SPIDR: variants seen among roughly 807,000 people sequenced by gnomAD.
SPIDR encodes DNA repair-scaffolding protein.
SPIDR carries 93 observed loss-of-function variants against 104.6 expected under a neutral mutation model. The ratio of observed to expected loss-of-function variants is 0.89; its 90% confidence interval spans 0.75 to 1.06. The LOEUF (loss-of-function observed/expected upper bound fraction) is 1.06. Ranked by LOEUF, SPIDR falls within the 50% of genes least tolerant of loss-of-function variation. The probability of loss-of-function intolerance (pLI) is 0.00; values close to 1 mark genes in which losing one functional copy is unlikely to be tolerated. For missense variants in SPIDR, 1,154 were observed against 1,111.2 expected (o/e 1.04, Z -0.55); for synonymous variants, 431 against 416.9 (o/e 1.03, Z -0.41).
At chr8:47,405,268 G>A (rs2062568935) in intron 6 of SPIDR, among the ~76,000 whole-genome samples, 1 of 151,666 alleles carries the variant, frequency 6.6e-6, no homozygotes, top group Admixed American at 6.6e-5. Context: ...ACGAGTTAAC[G>A]GGTGCAGCAC....
intron 16 of SPIDR, among the ~76,000 whole-genome samples, chr8:47,714,083 C>T (rs1470240629): frequency 2.0e-5 from 3 of 152,102 alleles, no homozygotes; most frequent in Non-Finnish European, 4.4e-5. Context: ...GCAGGACAGG[C>T]AGCCAGATGG....
rs77304259 is a variant in SPIDR, at chr8:47,651,849, A to G, written c.1545-21952A>G. ...GCCATTATTCTAAATGAAGTAACTC[A>G]GGAATGGAAAACCAAATACTGTATG... is the stretch of plus-strand genomic sequence containing the variant. On this transcript the variant is annotated intron_variant, in intron 10 of 19. Transcript: ENST00000297423. Among the ~76,000 whole-genome samples the G allele has an allele frequency of 4.0e-3, 610 of 152,338 alleles. 17 individuals carry two copies. The East Asian group carries it at 0.065, about 16-fold the overall frequency.
intron 5 of SPIDR, among the ~76,000 whole-genome samples, chr8:47,295,982 A>G (rs2154241812): frequency 6.6e-6 from 1 of 152,282 alleles, no homozygotes; most frequent in Non-Finnish European, 1.5e-5. Flanking sequence ...TCTTTCTAAC[A>G]GGTGTGAGGT....
Position 47,440,628 on chromosome 8 carries a change from A to G in SPIDR, c.1097+86A>G, listed in dbSNP as rs2069235385. 23 of 1,377,604 alleles carry G rather than the reference A, an allele frequency of 1.7e-5. No homozygotes were observed. The South Asian group carries it at 3.1e-4, about 19-fold the overall frequency. The allele number at this position is 1,377,604 out of a possible 1,614,324, so 85.3% of individuals were successfully genotyped here. On this transcript the variant is annotated intron_variant, in intron 8 of 19. Transcript: ENST00000297423. ...CATTTTTATCAGTTACATTTTTGTC[A>G]CTTTATCATAGAGCAATGCGAGAGG... is the stretch of plus-strand genomic sequence containing the variant.
intron 8 of SPIDR, among the ~76,000 whole-genome samples, chr8:47,583,905 C>T (rs1429459435): frequency 1.3e-5 from 2 of 152,206 alleles, no homozygotes; most frequent in Non-Finnish European, 2.9e-5. Context: ...GAGTCACAAC[C>T]TTTTCCTTTA....
In SPIDR at chr8:47,267,313, C is replaced by T. The variant is rs192705424; in HGVS notation, c.33+6322C>T. Among the ~76,000 whole-genome samples, 176 of 152,198 alleles carry T rather than the reference C, an allele frequency of 1.2e-3. 2 individuals are homozygous for T. Among genetic ancestry groups the T allele is most frequent in the Admixed American group, 0.011 (169 of 15,264 alleles). On this transcript the variant is annotated intron_variant, in intron 1 of 19. Transcript: ENST00000297423. ...TGTTGGGATTACATCCGTGAGCCAT[C>T]GCACCTGGCCTGCGTTGAACATTTG...
intron 5 of SPIDR, among the ~76,000 whole-genome samples, chr8:47,331,963 A>C (rs2048741248): frequency 1.6e-5 from 1 of 61,004 alleles, no homozygotes; most frequent in Non-Finnish European, 3.4e-5. Context: ...AATTTTTTTA[A>C]ACTTTTTTTT....
intron 2 of SPIDR, among the ~76,000 whole-genome samples, chr8:47,281,302 G>T (rs2037727384): frequency 6.6e-6 from 1 of 152,196 alleles, no homozygotes; most frequent in African/African-American, 2.4e-5. Flanking sequence ...TGGGGTGGCT[G>T]TGGCAGTTTC....
intron 8 of SPIDR, among the ~76,000 whole-genome samples, chr8:47,442,928 A>G (rs1554698360): frequency 6.6e-6 from 1 of 151,858 alleles, no homozygotes; most frequent in East Asian, 1.9e-4. Flanking sequence ...TTTTTGGCAC[A>G]CCTTTATATG....
intron 10 of SPIDR, among the ~76,000 whole-genome samples, chr8:47,641,982 C>T (rs1340091120): frequency 6.6e-6 from 1 of 152,180 alleles, no homozygotes; most frequent in African/African-American, 2.4e-5. Context: ...TGCAGAGCCT[C>T]GGGCCCTGGC....
intron 11 of SPIDR, among the ~76,000 whole-genome samples, chr8:47,693,399 C>T (rs2078935440): frequency 6.6e-6 from 1 of 152,216 alleles, no homozygotes; most frequent in African/African-American, 2.4e-5. Context: ...ATGAAAAATT[C>T]TCATACTGAA....
In SPIDR at chr8:47,451,434, T is replaced by A. The variant is rs186269810; in HGVS notation, c.1097+10892T>A. Among the ~76,000 whole-genome samples the A allele has an allele frequency of 1.7e-3, 256 of 151,392 alleles. 1 individual carries two copies. Among genetic ancestry groups the A allele is most frequent in the African/African-American group, 5.9e-3 (244 of 41,382 alleles). On this transcript the variant is annotated intron_variant, in intron 8 of 19. Transcript: ENST00000297423. ...CCATCTCTATAAAAAATGCAAAAATTACCTGGATATGGTGGTGCACTCCTG... is the reference window on the plus strand; with the variant it reads ...CCATCTCTATAAAAAATGCAAAAATAACCTGGATATGGTGGTGCACTCCTG...
In SPIDR at chr8:47,552,953, C is replaced by T. The variant is rs550163927; in HGVS notation, c.1098-42858C>T. ...CTTCAGGAGCTCTTGCATGGCAGGCCTGGTGGTGACAAAAATCTCTCAACA... is the reference window on the plus strand; with the variant it reads ...CTTCAGGAGCTCTTGCATGGCAGGCTTGGTGGTGACAAAAATCTCTCAACA... On this transcript the variant is annotated intron_variant, in intron 8 of 19. Coordinates refer to ENST00000297423, the MANE Select transcript of SPIDR (RefSeq NM_001080394.4). Among the ~76,000 whole-genome samples, 6 of 152,258 alleles carry T rather than the reference C, an allele frequency of 3.9e-5. No individual in the cohort carries two copies. In the South Asian group the frequency reaches 1.2e-3, roughly 32 times the overall value.
chr8:47,446,249 GA>G (rs2070577171), intron 8 of SPIDR, among the ~76,000 whole-genome samples: 1 of 152,130 alleles, frequency 6.6e-6, no homozygotes, highest in Non-Finnish European at 1.5e-5. Flanking sequence ...TTACCATTTT[GA>G]AAATTCTAGG....
At chr8:47,319,767 A>G (rs2154260954) in intron 5 of SPIDR, among the ~76,000 whole-genome samples, 1 of 152,326 alleles carries the variant, frequency 6.6e-6, no homozygotes, top group East Asian at 1.9e-4. Flanking sequence ...CAGTGCAATC[A>G]AACTAGAACT....
At chr8:47,399,491 A>G (rs1199363451) in intron 6 of SPIDR, among the ~76,000 whole-genome samples, 1 of 152,216 alleles carries the variant, frequency 6.6e-6, no homozygotes, top group African/African-American at 2.4e-5. Flanking sequence ...AGGGAGGATG[A>G]GAACGGAGTT....
At chr8:47,346,182 G>A (rs1554617866) in intron 5 of SPIDR, among the ~76,000 whole-genome samples, 1 of 152,164 alleles carries the variant, frequency 6.6e-6, no homozygotes, top group African/African-American at 2.4e-5. Context: ...AAGTACTGTT[G>A]AATTTTGTCA....
intron 8 of SPIDR, among the ~76,000 whole-genome samples, chr8:47,470,082 C>G (rs782169221): frequency 1.3e-5 from 2 of 152,032 alleles, no homozygotes; most frequent in Non-Finnish European, 2.9e-5. Context: ...ATCAGCAGAC[C>G]TCAAGTAGCC....
intron 10 of SPIDR, among the ~76,000 whole-genome samples, chr8:47,607,524 C>T (rs935196470): frequency 3.9e-5 from 6 of 151,906 alleles, no homozygotes; most frequent in Non-Finnish European, 7.4e-5. Flanking sequence ...GGGCCTTAGC[C>T]TTTGTGTGTG....
Sources: gnomAD v4.1 joint callset for allele counts (sites outside exome capture counted in the v4.1 genomes callset) on GRCh38, gnomAD v4.1.1 for gene constraint, MANE v1.5 for transcripts, NCBI Gene and HGNC (gene_info 2026-07-23, HGNC 2026-07-21) for gene names.